Variants in ST8SIA2 observed in about 807,000 individuals in gnomAD.
The protein encoded by ST8SIA2 is ST8 alpha-N-acetyl-neuraminide alpha-2,8-sialyltransferase 2, also known as alpha-2,8-sialyltransferase 8B.
Under a neutral mutation model 37.6 loss-of-function variants are expected in ST8SIA2, and 22 were observed. That is an observed-to-expected ratio of 0.58 (90% confidence interval 0.42 to 0.83). The LOEUF is 0.83. Among genes scored for constraint, ST8SIA2 ranks in the 40% least tolerant of loss-of-function variants. ST8SIA2 has a pLI of 0.00. For synonymous variants in ST8SIA2, 205 were observed against 201.2 expected, an observed-to-expected ratio of 1.02 and a Z score of -0.16; for missense variants, 382 against 484.7, an observed-to-expected ratio of 0.79 and a Z score of 1.99.
Position 92,467,244 on chromosome 15 carries a change from C to T in ST8SIA2, c.*2859C>T, listed in dbSNP as rs1209778330. ...CCTTTCTGAGAAACGTCATCCCCAC[C>T]AGTTAACGTTTCCTGTACACCCTCA... On this transcript the variant is annotated 3_prime_UTR_variant, in exon 6 of 6. Transcript: ENST00000268164. The T allele has an allele frequency of 6.5e-6, 1 of 153,378 alleles. No homozygotes were observed. The highest frequency in any genetic ancestry group is 3.1e-3 in the Middle Eastern group (1 of 320). 9.5% of individuals were successfully genotyped at this position (153,378 alleles called of 1,614,324 possible).
At chr15:92,400,444 A>G (rs2049461920) in intron 1 of ST8SIA2, among the ~76,000 whole-genome samples, 1 of 152,176 alleles carries the variant, frequency 6.6e-6, no homozygotes, top group East Asian at 1.9e-4. Flanking sequence ...TACTATTCTA[A>G]CAACAATTAA....
At position 92,399,606 on chromosome 15, in the gene ST8SIA2, T is replaced by A. The variant is rs190797866; in HGVS notation, c.98+5444T>A. Among the ~76,000 whole-genome samples the A allele has an allele frequency of 3.1e-3, 467 of 152,184 alleles. 4 individuals are homozygous for A. Among genetic ancestry groups the A allele is most frequent in the African/African-American group, 1.0e-2 (414 of 41,520 alleles). ...TTGCTCAACACGATGCATTTTTTTTTAAAAAAGCCCATTCTTCTCCCTAGT... is the reference window on the plus strand; with the variant it reads ...TTGCTCAACACGATGCATTTTTTTTAAAAAAAGCCCATTCTTCTCCCTAGT... On this transcript the variant is annotated intron_variant, in intron 1 of 5. Coordinates refer to ENST00000268164, the MANE Select transcript of ST8SIA2 (RefSeq NM_006011.4).
chr15:92,437,683 G>A (rs1306984532), intron 3 of ST8SIA2, among the ~76,000 whole-genome samples: 1 of 152,038 alleles, frequency 6.6e-6, no homozygotes, highest in East Asian at 1.9e-4. Flanking sequence ...ACACGTCACA[G>A]TATCCATCCC....
At chr15:92,449,745 A>G (rs2049868764) in intron 5 of ST8SIA2, among the ~76,000 whole-genome samples, 1 of 152,198 alleles carries the variant, frequency 6.6e-6, no homozygotes, top group Non-Finnish European at 1.5e-5. Flanking sequence ...CATTTCTCTG[A>G]TGATTCATGG....
At position 92,464,393 on chromosome 15, in the gene ST8SIA2, A is replaced by T. The variant is rs1482054251; in HGVS notation, c.*8A>T. 6.2e-7 allele frequency: 1 copy of T among 1,612,898 alleles called. No individual in the cohort carries two copies. The highest frequency in any genetic ancestry group is 1.7e-5 in the Admixed American group (1 of 60,004). ...TGCGATGGGGCCACGTAGGGTGGGC[A>T]CCCCATGGGACTCAGTGGCTCACAT... is the stretch of plus-strand genomic sequence containing the variant. On this transcript the variant is annotated 3_prime_UTR_variant, in exon 6 of 6. Coordinates refer to ENST00000268164, the MANE Select transcript of ST8SIA2 (RefSeq NM_006011.4).
chr15:92,438,141 C>A (rs998897540), intron 3 of ST8SIA2, among the ~76,000 whole-genome samples: 1 of 152,172 alleles, frequency 6.6e-6, no homozygotes, highest in Non-Finnish European at 1.5e-5. Flanking sequence ...CCCTGGCAAC[C>A]CCCATATTGG....
chr15:92,400,970 C>G (rs2049465954), intron 1 of ST8SIA2, among the ~76,000 whole-genome samples: 1 of 152,300 alleles, frequency 6.6e-6, no homozygotes, highest in South Asian at 2.1e-4. Context: ...CCTCATGAAG[C>G]ACCTTCTAGT....
chr15:92,415,288 T>C (rs2049578717), intron 1 of ST8SIA2, among the ~76,000 whole-genome samples: 1 of 151,888 alleles, frequency 6.6e-6, no homozygotes, highest in Admixed American at 6.6e-5. Context: ...AATAAGGATC[T>C]GGTCAGCTGA....
intron 1 of ST8SIA2, among the ~76,000 whole-genome samples, chr15:92,394,816 G>C (rs1044187076): frequency 3.3e-5 from 5 of 152,198 alleles, no homozygotes; most frequent in African/African-American, 1.2e-4. Context: ...GTTCAGCCAA[G>C]CCACGGCAAC....
At chr15:92,445,062 C>T in intron 5 of ST8SIA2, 133 bp downstream of exon 5, 1 of 1,310,116 alleles carries the variant, frequency 7.6e-7, no homozygotes, top group Non-Finnish European at 1.1e-6. Flanking sequence ...AGCAAGTCAC[C>T]TGGCCTTTCT....
intron 1 of ST8SIA2, among the ~76,000 whole-genome samples, chr15:92,420,225 C>T (rs1017346050): frequency 6.6e-6 from 1 of 152,142 alleles, no homozygotes; most frequent in Admixed American, 6.5e-5. Context: ...GAGGACGAGT[C>T]CTGCTTCAGT....
chr15:92,395,166 A>G (rs1344044261), intron 1 of ST8SIA2, among the ~76,000 whole-genome samples: 5 of 152,134 alleles, frequency 3.3e-5, no homozygotes. Context: ...GGTTCTGAGG[A>G]GGCCCGAGGA....
chr15:92,399,076 A>C (rs2129794), intron 1 of ST8SIA2, among the ~76,000 whole-genome samples: 1 of 152,102 alleles, frequency 6.6e-6, no homozygotes, highest in African/African-American at 2.4e-5. Context: ...CCTGTTACAC[A>C]AGGTCACCTG....
At chr15:92,417,021 G>A (rs1295654860) in intron 1 of ST8SIA2, among the ~76,000 whole-genome samples, 1 of 152,214 alleles carries the variant, frequency 6.6e-6, no homozygotes, top group Non-Finnish European at 1.5e-5. Context: ...TCCACAGGCA[G>A]CAACTGGTTT....
chr15:92,417,321 G>A (rs1267217291), intron 1 of ST8SIA2, among the ~76,000 whole-genome samples: 1 of 152,190 alleles, frequency 6.6e-6, no homozygotes, highest in Admixed American at 6.5e-5. Context: ...CTTAGAACCA[G>A]GCAGGTGGGG....
rs544822767 is a variant in ST8SIA2 at position 92,396,683 on chromosome 15, G to A, written c.98+2521G>A. ...TAATTTTTGTATTTTTATTAGAGACGGGGTTTCACCATGTTGGCCAGGCTG... is the reference window on the plus strand; with the variant it reads ...TAATTTTTGTATTTTTATTAGAGACAGGGTTTCACCATGTTGGCCAGGCTG... On this transcript the variant is annotated intron_variant, in intron 1 of 5. Coordinates refer to ENST00000268164, the MANE Select transcript of ST8SIA2 (RefSeq NM_006011.4). Among the ~76,000 whole-genome samples, 6 of 152,100 alleles carry A rather than the reference G, an allele frequency of 3.9e-5. No individual in the cohort carries two copies. The East Asian group carries it at 7.7e-4, about 20-fold the overall frequency.
chr15:92,444,787 A>T lies in ST8SIA2; in HGVS notation c.700A>T (p.Asn234Tyr). 1 of 1,614,144 alleles carries T rather than the reference A, an allele frequency of 6.2e-7. No individual in the cohort carries two copies. Among genetic ancestry groups the T allele is most frequent in the Non-Finnish European group, 8.5e-7 (1 of 1,180,038 alleles). ...EKLLQRLHSL[N>Y]GSILWIPAFM... ...GCTGCTGCAACGGCTGCACAGCCTC[A>T]ATGGCAGCATCCTGTGGATCCCTGC... Residue 234 changes from asparagine (N) to tyrosine (Y), a missense_variant, in exon 5 of 6, where the codon AAT (asparagine) becomes TAT (tyrosine). Asn to Tyr is a moderately radical substitution (Grantham distance 143). Transcript: ENST00000268164.
chr15:92,439,593 T>C (rs2049786222), intron 4 of ST8SIA2, among the ~76,000 whole-genome samples: 1 of 152,172 alleles, frequency 6.6e-6, no homozygotes, highest in Admixed American at 6.5e-5. Context: ...GAAGCCGCCC[T>C]ATTGTAGAGT....
At chr15:92,434,537 G>A (rs1008749610) in intron 3 of ST8SIA2, among the ~76,000 whole-genome samples, 162 bp downstream of exon 3, 2 of 152,172 alleles carry the variant, frequency 1.3e-5, no homozygotes, top group Admixed American at 6.5e-5. Context: ...ATAAAAACCC[G>A]AGACAAGCCT....
Sources: allele counts gnomAD v4.1 joint callset (sites outside exome capture counted in the v4.1 genomes callset), GRCh38; gene constraint gnomAD v4.1.1; transcripts MANE v1.5; gene names NCBI Gene and HGNC (gene_info 2026-07-23, HGNC 2026-07-21).